Variants in AGGF1 observed in about 807,000 individuals in gnomAD.
The protein encoded by AGGF1 is angiogenic factor with G-patch and FHA domains 1.
In AGGF1, 56 loss-of-function variants were observed where a neutral mutation model predicts 86.5. That is an observed-to-expected ratio of 0.65 (90% CI 0.52 to 0.81). The LOEUF (loss-of-function observed/expected upper bound fraction) is 0.81, where lower values mean the gene tolerates loss of function less well. Ranked by LOEUF, AGGF1 falls within the 30% of genes least tolerant of loss-of-function variation. The pLI is 0.00. For missense variants in AGGF1, 816 were observed against 850.9 expected (o/e 0.96, Z 0.51); for synonymous variants, 313 against 297.1 (o/e 1.05, Z -0.55).
At chr5:77,045,843 G>T (rs1747237190) in intron 5 of AGGF1, among the ~76,000 whole-genome samples, 1 of 152,208 alleles carries the variant, frequency 6.6e-6, no homozygotes, top group Non-Finnish European at 1.5e-5. Context: ...ACTCAAATGT[G>T]CTGTTAAGTG....
At chr5:77,031,873 C>T (rs1019687300) in intron 1 of AGGF1, among the ~76,000 whole-genome samples, 2 of 152,156 alleles carry the variant, frequency 1.3e-5, no homozygotes, top group Non-Finnish European at 2.9e-5. Flanking sequence ...CACTGCACTC[C>T]AGCCAGGGCG....
chr5:77,057,087 A>C (rs1041700382), intron 11 of AGGF1, among the ~76,000 whole-genome samples: 2 of 152,220 alleles, frequency 1.3e-5, no homozygotes, highest in Admixed American at 6.5e-5. Context: ...AGAATGCCTA[A>C]AATTTTCAAA....
intron 12 of AGGF1, 70 bp from the exon 13 acceptor site, chr5:77,061,633 C>T (rs573004422): frequency 6.8e-7 from 1 of 1,464,624 alleles, no homozygotes; most frequent in African/African-American, 1.4e-5. Flanking sequence ...ACTTTTAATT[C>T]ATGAATTTAT....
intron 5 of AGGF1, among the ~76,000 whole-genome samples, chr5:77,044,657 GA>G (rs1747211615): frequency 6.6e-6 from 1 of 152,126 alleles, no homozygotes; most frequent in Non-Finnish European, 1.5e-5. Context: ...TACAGATAGG[GA>G]ACTTTTTTGC....
Position 77,030,485 on chromosome 5 carries a change from C to T in AGGF1, c.-282C>T, listed in dbSNP as rs1164837506. 4.8e-6 allele frequency: 3 copies of T among 628,954 alleles called. No individual in the cohort carries two copies. Among genetic ancestry groups the T allele is most frequent in the East Asian group, 3.3e-5 (1 of 30,486 alleles). The allele number at this position is 628,954 out of a possible 1,614,324, so 39.0% of individuals were successfully genotyped here. ...CCGACTGCTTATCCGACGCTCCTCC[C>T]TCTGTCTCTGTAGCTGGAGAAGGTA... On this transcript the variant is annotated 5_prime_UTR_variant, in exon 1 of 14. Coordinates refer to ENST00000312916, the MANE Select transcript of AGGF1 (RefSeq NM_018046.5).
At position 77,040,667 on chromosome 5, in the gene AGGF1, C is replaced by A. The variant is rs76256148; in HGVS notation, c.870+948C>A. 4.2e-3 allele frequency among the ~76,000 whole-genome samples: 634 copies of A among 152,296 alleles called. 3 individuals carry two copies. Among genetic ancestry groups the A allele is most frequent in the African/African-American group, 0.015 (604 of 41,550 alleles). On this transcript the variant is annotated intron_variant, in intron 5 of 13. Transcript: ENST00000312916. ...AAAAAGTTAACAGTGTTCTTTATTT[C>A]TACTCTCTAAACAGGTAAGTTTGGT...
At position 77,064,572 on chromosome 5, in the gene AGGF1, A is replaced by G. The variant is rs546427444; in HGVS notation, c.*1320A>G. The G allele has an allele frequency of 8.4e-4, 128 of 152,326 alleles. No individual in the cohort carries two copies. The highest frequency in any genetic ancestry group is 3.4e-3 in the Middle Eastern group (1 of 294). 9.4% of individuals were successfully genotyped at this position (152,326 alleles called of 1,614,324 possible). ...GGTATGAACGAGTTGTCAGGTTCCT[A>G]TGGGCTTAAGCTAGGACAATCAGGC... On this transcript the variant is annotated 3_prime_UTR_variant, in exon 14 of 14. Transcript: ENST00000312916.
At chr5:77,036,862 CAAGT>C in intron 4 of AGGF1, 142 bp downstream of exon 4, 2 of 917,678 alleles carry the variant, frequency 2.2e-6, no homozygotes, top group Non-Finnish European at 1.7e-6. Flanking sequence ...CTCAGCATCC[CAAGT>C]AGCTGGGATT....
chr5:77,055,406 A>C, intron 10 of AGGF1, 108 bp from the exon 11 acceptor site: 1 of 714,378 alleles, frequency 1.4e-6, no homozygotes, highest in Non-Finnish European at 2.4e-6. Context: ...ACTTCTGGTT[A>C]ATTGGAATGG....
intron 10 of AGGF1, 104 bp from the exon 11 acceptor site, chr5:77,055,410 G>A: frequency 1.4e-6 from 1 of 733,096 alleles, no homozygotes; most frequent in Non-Finnish European, 2.3e-6. Context: ...CTGGTTAATT[G>A]GAATGGGTTA....
At position 77,046,616 on chromosome 5, in the gene AGGF1, T is replaced by C. The variant is rs1747258365; in HGVS notation, c.1140T>C (p.Asp380=). Residue 380 remains aspartate, a synonymous_variant, in exon 6 of 14, where the codon GAT becomes GAC. Transcript: ENST00000312916. ...AAATTACAGACTCTCAGACTGAGGATAGTTATGACGAAGCCATTACCAGTG... is the reference window on the plus strand; with the variant it reads ...AAATTACAGACTCTCAGACTGAGGACAGTTATGACGAAGCCATTACCAGTG... ...EGEITDSQTE[D]SYDEAITSEG... is the part of the protein sequence containing the mutation. 2 of 1,613,914 alleles carry C rather than the reference T, an allele frequency of 1.2e-6. No individual in the cohort carries two copies. The highest frequency in any genetic ancestry group is 8.5e-7 in the Non-Finnish European group (1 of 1,179,964).
chr5:77,053,193 C>T (rs1477581705), intron 9 of AGGF1, among the ~76,000 whole-genome samples: 1 of 152,180 alleles, frequency 6.6e-6, no homozygotes, highest in African/African-American at 2.4e-5. Context: ...TTAACATCCT[C>T]AGCATGTAGC....
intron 11 of AGGF1, among the ~76,000 whole-genome samples, chr5:77,056,596 C>G (rs1392656493): frequency 2.0e-5 from 3 of 150,092 alleles, no homozygotes; most frequent in Admixed American, 2.0e-4. Context: ...AAAACACAGA[C>G]AAAAAGAATG....
chr5:77,054,294 A>G (rs1747425155), intron 10 of AGGF1, among the ~76,000 whole-genome samples, 164 bp downstream of exon 10: 3 of 152,258 alleles, frequency 2.0e-5, no homozygotes, highest in Admixed American at 2.0e-4. Context: ...TTGATCTAAT[A>G]ATAGATTGAG....
At chr5:77,061,576 C>CT in intron 12 of AGGF1, 127 bp from the exon 13 acceptor site, 1 of 853,792 alleles carries the variant, frequency 1.2e-6, no homozygotes, top group South Asian at 1.5e-5. Flanking sequence ...GTGTCTTCAA[C>CT]TTTGTTAGGT....
intron 13 of AGGF1, 140 bp downstream of exon 13, chr5:77,061,942 A>G (rs1747570665): frequency 3.9e-6 from 3 of 770,582 alleles, no homozygotes; most frequent in Non-Finnish European, 6.6e-6. Context: ...TGTGGCATTC[A>G]CAATTACCAA....
rs1037584346 is a variant in AGGF1, at chr5:77,030,654, T to G, written c.-113T>G. ...CCAGGGGCCACCGCGGCCAGCCGGG[T>G]GTGAGGCTGCCTTTCGCTGCCCGCG... On this transcript the variant is annotated 5_prime_UTR_variant, in exon 1 of 14. Coordinates refer to ENST00000312916, the MANE Select transcript of AGGF1 (RefSeq NM_018046.5). The G allele has an allele frequency of 1.2e-5, 15 of 1,230,374 alleles. No homozygotes were observed. Among genetic ancestry groups the G allele is most frequent in the African/African-American group, 1.2e-4 (8 of 67,020 alleles). The allele number at this position is 1,230,374 out of a possible 1,614,324, so 76.2% of individuals were successfully genotyped here. A position where few individuals can be genotyped will look rare whatever the true frequency, so the allele number is the denominator to read the frequency against.
At chr5:77,057,865 C>T (rs752272770) in intron 11 of AGGF1, among the ~76,000 whole-genome samples, 1 of 152,232 alleles carries the variant, frequency 6.6e-6, no homozygotes, top group East Asian at 1.9e-4. Flanking sequence ...TTTAGCCAAT[C>T]CCTCCTTACC....
intron 4 of AGGF1, among the ~76,000 whole-genome samples, chr5:77,038,241 T>G (rs1206993684): frequency 6.6e-6 from 1 of 152,228 alleles, no homozygotes; most frequent in Non-Finnish European, 1.5e-5. Context: ...ACCAGGAAAT[T>G]AATGTTTAAA....
Sources: gnomAD v4.1 joint callset for allele counts (sites outside exome capture counted in the v4.1 genomes callset) on GRCh38, gnomAD v4.1.1 for gene constraint, MANE v1.5 for transcripts, NCBI Gene and HGNC (gene_info 2026-07-23, HGNC 2026-07-21) for gene names.